C12orf42: variants seen among roughly 807,000 people sequenced by gnomAD.
C12orf42 encodes the protein uncharacterized protein C12orf42.
In C12orf42, 25 loss-of-function variants were observed where a neutral mutation model predicts 21.6. The observed-to-expected ratio is 1.16, with a 90% CI of 0.84 to 1.62. The LOEUF (loss-of-function observed/expected upper bound fraction) is 1.62. C12orf42 is among the 40% of genes most tolerant of loss of function. The pLI is 0.00. For synonymous variants in C12orf42, 174 were observed against 175.0 expected (o/e 0.99, Z 0.05); for missense variants, 483 against 459.3 (o/e 1.05, Z -0.47).
chr12:103,239,328 T>C (rs1187745679), intron 10 of C12orf42, among the ~76,000 whole-genome samples: 1 of 152,186 alleles, frequency 6.6e-6, no homozygotes, highest in Non-Finnish European at 1.5e-5. Flanking sequence ...GGGTCCCAAG[T>C]AGCCCTTGGC....
At chr12:103,407,417 C>T (rs886361618) in intron 2 of C12orf42, among the ~76,000 whole-genome samples, 5 of 152,022 alleles carry the variant, frequency 3.3e-5, no homozygotes, top group African/African-American at 7.2e-5. Flanking sequence ...GAAGGCGAAC[C>T]CCTCCTCTTC....
At chr12:103,195,680 C>T in the C12orf42 span, among the ~76,000 whole-genome samples, 2 of 151,956 alleles carry the variant, frequency 1.3e-5, no homozygotes, top group East Asian at 3.9e-4. Context: ...TTTATAGATT[C>T]TATCAGATTC....
At chr12:103,147,247 G>A in the C12orf42 span, among the ~76,000 whole-genome samples, 2 of 152,082 alleles carry the variant, frequency 1.3e-5, no homozygotes, top group African/African-American at 4.8e-5. Context: ...AGTCTCGAAG[G>A]AGGAAAACAA....
chr12:103,139,607 A>T, the C12orf42 span, among the ~76,000 whole-genome samples: 1 of 152,166 alleles, frequency 6.6e-6, no homozygotes, highest in Admixed American at 6.6e-5. Context: ...AAAAGAAAGA[A>T]AGAAAGAAAG....
At chr12:103,442,705 T>C (rs1462070993) in intron 2 of C12orf42, among the ~76,000 whole-genome samples, 1 of 152,126 alleles carries the variant, frequency 6.6e-6, no homozygotes, top group Non-Finnish European at 1.5e-5. Context: ...AATTAACAAA[T>C]AATACATTAA....
chr12:103,243,253 C>T (rs1768940554), intron 10 of C12orf42, among the ~76,000 whole-genome samples: 1 of 151,976 alleles, frequency 6.6e-6, no homozygotes, highest in Non-Finnish European at 1.5e-5. Flanking sequence ...TCTCATACTC[C>T]TGGACTCAAA....
Position 103,363,085 on chromosome 12 carries a change from G to C in C12orf42, c.259+5802C>G, listed in dbSNP as rs556968876. ...GTCAAGATAAAGGAAAGAATCATAA[G>C]AGCCATGAGGCAAAAGCACCAGGTA... On this transcript the variant is annotated intron_variant, in intron 4 of 5. Coordinates refer to ENST00000548883, the MANE Select transcript of C12orf42 (RefSeq NM_198521.5). Among the ~76,000 whole-genome samples, 10 of 152,128 alleles carry C rather than the reference G, an allele frequency of 6.6e-5. No homozygotes were observed. The East Asian group carries it at 1.4e-3, about 21-fold the overall frequency.
the C12orf42 span, among the ~76,000 whole-genome samples, chr12:103,113,143 T>C: frequency 1.7e-4 from 26 of 152,102 alleles, no homozygotes; most frequent in Middle Eastern, 3.4e-3. Flanking sequence ...GATGGTGAAA[T>C]TTGTTCAGTG....
intron 2 of C12orf42, among the ~76,000 whole-genome samples, chr12:103,459,351 G>A (rs1348795132): frequency 6.6e-6 from 1 of 152,216 alleles, no homozygotes. Flanking sequence ...GTGGGGTCTT[G>A]TAGGACATGT....
chr12:103,329,119 C>T (rs949756619), intron 4 of C12orf42, among the ~76,000 whole-genome samples: 12 of 149,920 alleles, frequency 8.0e-5, no homozygotes, highest in African/African-American at 2.0e-4. Context: ...ATGGCAGGGA[C>T]GCAGGCATGC....
At chr12:103,353,608 C>T (rs1055486828) in intron 4 of C12orf42, among the ~76,000 whole-genome samples, 3 of 152,096 alleles carry the variant, frequency 2.0e-5, no homozygotes, top group African/African-American at 7.2e-5. Flanking sequence ...GAGACACTTC[C>T]TGAATTTCCC....
chr12:103,253,723 C>T (rs553764702), intron 10 of C12orf42, among the ~76,000 whole-genome samples: 1 of 152,138 alleles, frequency 6.6e-6, no homozygotes, highest in Non-Finnish European at 1.5e-5. Flanking sequence ...TAAAACTTGC[C>T]TCATTCTCCC....
chr12:103,108,839 G>T, the C12orf42 span, among the ~76,000 whole-genome samples: 12 of 152,058 alleles, frequency 7.9e-5, no homozygotes, highest in African/African-American at 2.9e-4. Flanking sequence ...AATATAAAAA[G>T]AACTTTTCCA....
the C12orf42 span, among the ~76,000 whole-genome samples, chr12:103,215,215 C>A: frequency 6.6e-6 from 1 of 152,086 alleles, no homozygotes; most frequent in East Asian, 1.9e-4. Flanking sequence ...AATACTAACA[C>A]TTTATTATAT....
At chr12:103,161,786 G>A in the C12orf42 span, 1 of 152,172 alleles carries the variant, frequency 6.6e-6, no homozygotes. Flanking sequence ...TGCTCACACT[G>A]GCGTGGTTAC....
intron 1 of C12orf42, among the ~76,000 whole-genome samples, chr12:103,494,224 TG>T (rs1955364534): frequency 6.6e-6 from 1 of 152,240 alleles, no homozygotes; most frequent in African/African-American, 2.4e-5. Context: ...CAGGTGTTTG[TG>T]GGCATAAAGC....
the C12orf42 span, chr12:103,559,746 C>T: frequency 2.0e-5 from 3 of 152,178 alleles, no homozygotes; most frequent in Admixed American, 6.5e-5. Flanking sequence ...GGCATCACCA[C>T]CACATACCAT....
the C12orf42 span, among the ~76,000 whole-genome samples, chr12:103,073,093 CTGTA>C: frequency 6.6e-6 from 1 of 152,164 alleles, no homozygotes; most frequent in Non-Finnish European, 1.5e-5. Flanking sequence ...AAACCAAACA[CTGTA>C]TGTTCTCACA....
At chr12:103,073,964 G>A in the C12orf42 span, among the ~76,000 whole-genome samples, 3 of 152,034 alleles carry the variant, frequency 2.0e-5, no homozygotes, top group Admixed American at 6.6e-5. Context: ...CCTCATGGCC[G>A]AATTTGAACC....
Sources: allele counts gnomAD v4.1 joint callset (sites outside exome capture counted in the v4.1 genomes callset), GRCh38; gene constraint gnomAD v4.1.1; transcripts MANE v1.5; gene names NCBI Gene and HGNC (gene_info 2026-07-23, HGNC 2026-07-21).